The following TAF12 variants were observed in gnomAD, a reference collection of about 807,000 sequenced individuals.
The protein encoded by TAF12 is transcription initiation factor TFIID subunit 12.
In TAF12, 3 loss-of-function variants were observed where a neutral mutation model predicts 20.8. The ratio of observed to expected loss-of-function variants is 0.14; its 90% CI spans 0.07 to 0.37. The LOEUF (loss-of-function observed/expected upper bound fraction) is 0.37. TAF12 is among the 10% of genes least tolerant of loss of function. The pLI, the probability that TAF12 is intolerant of heterozygous loss-of-function variation, is 1.00. For missense variants in TAF12, 131 were observed against 197.9 expected (o/e 0.66, Z 2.03); for synonymous variants, 69 against 70.2 (o/e 0.98, Z 0.09).
intron 3 of TAF12, among the ~76,000 whole-genome samples, chr1:28,614,481 T>C (rs1666965119): frequency 6.6e-6 from 1 of 151,646 alleles, no homozygotes; most frequent in Non-Finnish European, 1.5e-5. Context: ...GTCAGGAATT[T>C]GAGACCAGCC....
At chr1:28,630,072 T>C (rs773495764) in intron 1 of TAF12, among the ~76,000 whole-genome samples, 5 of 152,156 alleles carry the variant, frequency 3.3e-5, no homozygotes, top group Non-Finnish European at 7.3e-5. Flanking sequence ...CCTCAGAAGC[T>C]GGAACTACAG....
Position 28,603,449 on chromosome 1 carries a change from T to TAAA in TAF12, c.*87_*89dup. ...AAATATATGCTTCTCTGTAAAGCAT[T>TAAA]AAAAAAAAAAATCCAAGGATGAGAT... On this transcript the variant is annotated 3_prime_UTR_variant, in exon 6 of 6. Transcript: ENST00000373824. 5.4e-6 allele frequency: 6 copies of TAAA among 1,105,752 alleles called. No homozygotes were observed. The highest frequency in any genetic ancestry group is 6.4e-6 in the Non-Finnish European group (5 of 780,534). The allele number at this position is 1,105,752 out of a possible 1,614,324, so 68.5% of individuals were successfully genotyped here. A position where few individuals can be genotyped will look rare whatever the true frequency, so the allele number is the denominator to read the frequency against.
Position 28,603,297 on chromosome 1 carries a change from C to A in TAF12, c.*242G>T, listed in dbSNP as rs752104583. The A allele has an allele frequency of 6.7e-5, 35 of 525,796 alleles. No homozygotes were observed. Among genetic ancestry groups the A allele is most frequent in the Non-Finnish European group, 1.2e-4 (34 of 295,176 alleles). 32.6% of individuals were successfully genotyped at this position (525,796 alleles called of 1,614,324 possible). A position where few individuals can be genotyped will look rare whatever the true frequency, so the allele number is the denominator to read the frequency against. On this transcript the variant is annotated 3_prime_UTR_variant, in exon 6 of 6. Coordinates refer to ENST00000373824, the MANE Select transcript of TAF12 (RefSeq NM_005644.4). Reference sequence around the variant, plus strand: ...TTATATAATAAACCACAAATAAAATCTTCTCTGGAAGATACATTGCTCCTC... The same window carrying A: ...TTATATAATAAACCACAAATAAAATATTCTCTGGAAGATACATTGCTCCTC...
At chr1:28,628,736 A>G (rs1489411450) in intron 1 of TAF12, among the ~76,000 whole-genome samples, 1 of 152,216 alleles carries the variant, frequency 6.6e-6, no homozygotes, top group Admixed American at 6.5e-5. Flanking sequence ...CAATGAATGA[A>G]AGCAAAACAT....
At chr1:28,644,354 A>G (rs1257441047), upstream of TAF12, among the ~76,000 whole-genome samples, 1 of 152,222 alleles carries the variant, frequency 6.6e-6, no homozygotes, top group Non-Finnish European at 1.5e-5. Flanking sequence ...TCAAGTCCTC[A>G]TGAACATTGG....
At chr1:28,627,524 T>G (rs1371444628) in intron 1 of TAF12, among the ~76,000 whole-genome samples, 3 of 151,050 alleles carry the variant, frequency 2.0e-5, no homozygotes, top group Admixed American at 6.6e-5. Flanking sequence ...AAACCCTGTC[T>G]CTACTAAAAA....
intron 4 of TAF12, among the ~76,000 whole-genome samples, chr1:28,609,898 A>AC (rs1210673256): frequency 6.6e-6 from 1 of 151,494 alleles, no homozygotes; most frequent in African/African-American, 2.4e-5. Context: ...AACTCCCTGT[A>AC]CCCCCTTCCC....
In TAF12 at chr1:28,608,478, G is replaced by T. The variant is rs575457047; in HGVS notation, c.362-3018C>A. On this transcript the variant is annotated intron_variant, in intron 4 of 5. Transcript: ENST00000373824. Reference sequence around the variant, plus strand: ...ACTTTAAAGAAAGAGAGCAGGCCGGGTGTGGTGGCTCACGGCTGCAATCCC... The same window carrying T: ...ACTTTAAAGAAAGAGAGCAGGCCGGTTGTGGTGGCTCACGGCTGCAATCCC... Among the ~76,000 whole-genome samples the T allele has an allele frequency of 3.9e-5, 6 of 152,282 alleles. No homozygotes were observed. In the South Asian group the frequency reaches 6.2e-4, roughly 16 times the overall value.
At chr1:28,638,330 C>T (rs908842358) in intron 1 of TAF12, among the ~76,000 whole-genome samples, 1 of 151,540 alleles carries the variant, frequency 6.6e-6, no homozygotes, top group Non-Finnish European at 1.5e-5. Flanking sequence ...GCTGTGATTA[C>T]AGGCATGCAT....
intron 1 of TAF12, among the ~76,000 whole-genome samples, chr1:28,633,741 G>A (rs1020844218): frequency 5.3e-5 from 8 of 151,572 alleles, no homozygotes; most frequent in South Asian, 2.1e-4. Flanking sequence ...GTGAAACCCC[G>A]TCTCTACTAA....
At chr1:28,613,474 G>A (rs1202052535) in intron 3 of TAF12, 113 bp from the exon 4 acceptor site, 2 of 860,436 alleles carry the variant, frequency 2.3e-6, no homozygotes, top group East Asian at 2.7e-5. Context: ...TCTAGTAGAA[G>A]GCTGGAATCA....
chr1:28,634,415 C>CAA (rs1159192480), intron 1 of TAF12, among the ~76,000 whole-genome samples: 76 of 40,880 alleles, frequency 1.9e-3, no homozygotes, highest in African/African-American at 3.0e-3. Flanking sequence ...GACTCCATCT[C>CAA]AAAAAAAAAA....
At chr1:28,622,312 T>C (rs1222142988) in intron 1 of TAF12, 147 bp from the exon 2 acceptor site, 2 of 581,196 alleles carry the variant, frequency 3.4e-6, no homozygotes, top group African/African-American at 4.4e-5. Context: ...TTGAGCCCAG[T>C]AGTTCAAGAC....
chr1:28,622,246 G>T, intron 1 of TAF12, 81 bp from the exon 2 acceptor site: 1 of 1,330,746 alleles, frequency 7.5e-7, no homozygotes, highest in Non-Finnish European at 9.7e-7. Context: ...GAGGCCTGGT[G>T]CAATGGCTCA....
At chr1:28,613,113 G>T in intron 4 of TAF12, 134 bp downstream of exon 4, 1 of 618,046 alleles carries the variant, frequency 1.6e-6, no homozygotes. Flanking sequence ...ATTTGGTGCT[G>T]TTATTGAATT....
At chr1:28,630,577 C>T (rs1206888444) in intron 1 of TAF12, among the ~76,000 whole-genome samples, 3 of 151,558 alleles carry the variant, frequency 2.0e-5, no homozygotes, top group Admixed American at 2.0e-4. Context: ...CAAAACTGAT[C>T]ATATACCTAA....
At chr1:28,643,171 A>G (rs1041319963), upstream of TAF12, 9 of 940,458 alleles carry the variant, frequency 9.6e-6, no homozygotes, top group Non-Finnish European at 1.1e-5. Context: ...GCAGGCGCAG[A>G]CTGCCCTCCG....
At chr1:28,621,801 C>A in intron 2 of TAF12, 113 bp downstream of exon 2, 5 of 1,467,974 alleles carry the variant, frequency 3.4e-6, no homozygotes, top group Admixed American at 2.7e-5. Flanking sequence ...GGGAAAAGAC[C>A]TTTTCGGCTA....
intron 4 of TAF12, among the ~76,000 whole-genome samples, chr1:28,609,237 C>T (rs1034803036): frequency 2.0e-5 from 3 of 151,554 alleles, no homozygotes; most frequent in Non-Finnish European, 4.4e-5. Context: ...CCACCACGCC[C>T]GGCTAATTTT....
Sources: allele counts gnomAD v4.1 joint callset (sites outside exome capture counted in the v4.1 genomes callset), GRCh38; gene constraint gnomAD v4.1.1; transcripts MANE v1.5; gene names NCBI Gene and HGNC (gene_info 2026-07-23, HGNC 2026-07-21).